The following SEPTIN12 variants were observed in gnomAD, a reference collection of about 807,000 sequenced individuals.
SEPTIN12 encodes the protein septin-12.
A neutral mutation model predicts 37.7 loss-of-function variants in SEPTIN12; 42 were observed. The ratio of observed to expected loss-of-function variants is 1.11; its 90% CI spans 0.87 to 1.44. The LOEUF is 1.44. Ranked by LOEUF, SEPTIN12 falls within the 40% of genes most tolerant of loss-of-function variation. SEPTIN12 has a pLI of 0.00. For missense variants in SEPTIN12, 613 were observed against 479.2 expected (o/e 1.28, Z -2.61); for synonymous variants, 254 against 196.7 (o/e 1.29, Z -2.44).
intron 7 of SEPTIN12, 148 bp from the exon 8 acceptor site, chr16:4,779,934 G>T: frequency 1.5e-6 from 1 of 671,910 alleles, no homozygotes; most frequent in Non-Finnish European, 2.6e-6. Context: ...CAAGTTCAAA[G>T]ACATAAAGTC....
intron 7 of SEPTIN12, among the ~76,000 whole-genome samples, chr16:4,782,750 CCCA>C (rs1424904950): frequency 2.0e-5 from 3 of 151,500 alleles, no homozygotes; most frequent in Admixed American, 6.6e-5. Flanking sequence ...CTTACAGGCA[CCCA>C]CCACCACGCC....
chr16:4,790,263 T>A (rs1204749334), upstream of SEPTIN12, among the ~76,000 whole-genome samples: 1 of 152,186 alleles, frequency 6.6e-6, no homozygotes. Flanking sequence ...AGTTCTCTGT[T>A]GCAACTACTA....
At chr16:4,780,089 A>G (rs1163329819) in intron 7 of SEPTIN12, among the ~76,000 whole-genome samples, 2 of 151,952 alleles carry the variant, frequency 1.3e-5, no homozygotes, top group Non-Finnish European at 2.9e-5. Flanking sequence ...AAAAACTAAA[A>G]AATTAGCTGA....
intron 1 of SEPTIN12, chr16:4,787,965 G>A (rs1596260896): frequency 3.6e-6 from 1 of 280,092 alleles, no homozygotes; most frequent in East Asian, 7.9e-5. Context: ...AGCAGAGCCT[G>A]GAGGGCCAGG....
chr16:4,784,253 C>G, intron 4 of SEPTIN12, 185 bp from the exon 5 acceptor site: 1 of 616,004 alleles, frequency 1.6e-6, no homozygotes, highest in Non-Finnish European at 2.9e-6. Context: ...ACAGGGAGAC[C>G]TCCTGCCATT....
At position 4,785,848 on chromosome 16, in the gene SEPTIN12, C is replaced by T. The variant is rs377212669; in HGVS notation, c.333G>A (p.Thr111=). The change falls in exon 4 of 10, where the codon ACG becomes ACA. Residue 111 remains threonine, a synonymous_variant. Transcript: ENST00000268231. ...TCTGGTCCCCGAAGCCGGGCGTGTC[C>T]GTCACCGTCAGCTTCAGCTTCACAC... The part of the protein sequence containing the change: ...EKGVKLKLTV[T]DTPGFGDQIN... The T allele has an allele frequency of 4.7e-5, 75 of 1,612,540 alleles. No individual in the cohort carries two copies. The highest frequency in any genetic ancestry group is 1.6e-4 in the Middle Eastern group (1 of 6,078).
intron 7 of SEPTIN12, among the ~76,000 whole-genome samples, chr16:4,781,645 A>AT (rs35411843): frequency 0.093 from 12,553 of 134,734 alleles, 587 homozygotes; most frequent in Non-Finnish European, 0.11. Context: ...ACAGTGCTTC[A>AT]TTTTTTTTTT....
At chr16:4,778,411 A>T (rs2082336792) in intron 8 of SEPTIN12, among the ~76,000 whole-genome samples, 2 of 152,226 alleles carry the variant, frequency 1.3e-5, no homozygotes, top group South Asian at 4.1e-4. Context: ...ATGGGTGCCC[A>T]CTGTAGGACT....
upstream of SEPTIN12, among the ~76,000 whole-genome samples, chr16:4,791,381 G>A (rs1406786716): frequency 6.6e-6 from 1 of 152,212 alleles, no homozygotes; most frequent in Admixed American, 6.5e-5. Flanking sequence ...GGCGATAATA[G>A]CACAGGGCAT....
At chr16:4,785,109 G>T (rs1468290569) in intron 4 of SEPTIN12, among the ~76,000 whole-genome samples, 1 of 152,138 alleles carries the variant, frequency 6.6e-6, no homozygotes, top group Non-Finnish European at 1.5e-5. Context: ...AAGTAGCCGA[G>T]CGTGTTGGCG....
chr16:4,787,881 G>A (rs774425815), intron 1 of SEPTIN12: 5 of 523,894 alleles, frequency 9.5e-6, no homozygotes, highest in Non-Finnish European at 1.7e-5. Context: ...CCCATCCAGA[G>A]AGGCTCCGCT....
At chr16:4,786,223 G>T (rs2082442213) in intron 2 of SEPTIN12, 118 bp from the exon 3 acceptor site, 2 of 1,314,226 alleles carry the variant, frequency 1.5e-6, no homozygotes, top group Non-Finnish European at 2.1e-6. Flanking sequence ...ACCCAGGCTG[G>T]AGTGCAATGA....
At chr16:4,780,395 C>G (rs1408583078) in intron 7 of SEPTIN12, among the ~76,000 whole-genome samples, 1 of 152,076 alleles carries the variant, frequency 6.6e-6, no homozygotes, top group African/African-American at 2.4e-5. Flanking sequence ...GCCTGCCTGT[C>G]TTCCTATATA....
At chr16:4,787,361 T>G (rs741695) in intron 2 of SEPTIN12, 119 bp downstream of exon 2, 1 of 884,624 alleles carries the variant, frequency 1.1e-6, no homozygotes, top group Non-Finnish European at 1.9e-6. Flanking sequence ...TGTGAGGTGC[T>G]ATTATCAGGC....
chr16:4,781,943 CTTT>C lies in SEPTIN12; in HGVS notation c.726+1516_726+1518del, dbSNP rs571415645. ...ACAGGTGTGAGCCACCGTGCCCGGCCTTTTTTTTTTTTTTTTTTTTTTTTTGAG... is the reference window on the plus strand; with the variant it reads ...ACAGGTGTGAGCCACCGTGCCCGGCCTTTTTTTTTTTTTTTTTTTTTTGAG... On this transcript the variant is annotated intron_variant, in intron 7 of 9. Transcript: ENST00000268231. 6.4e-3 allele frequency among the ~76,000 whole-genome samples: 305 copies of C among 47,398 alleles called. 1 individual carries two copies. The highest frequency in any genetic ancestry group is 9.1e-3 in the Non-Finnish European group (256 of 27,994). The allele number at this position is 47,398 out of a possible 152,430, so 31.1% of individuals were successfully genotyped here.
At chr16:4,791,115 T>C (rs564655402), upstream of SEPTIN12, among the ~76,000 whole-genome samples, 2 of 152,308 alleles carry the variant, frequency 1.3e-5, no homozygotes, top group East Asian at 1.9e-4. Context: ...GAGAAAACAC[T>C]TTCTCCAGGA....
At chr16:4,780,989 G>A (rs150669942) in intron 7 of SEPTIN12, among the ~76,000 whole-genome samples, 5,155 of 151,972 alleles carry the variant, frequency 0.034, 129 homozygotes, top group Non-Finnish European at 0.048. Flanking sequence ...TGCTGGGCAC[G>A]GTGGCTCACG....
Position 4,777,955 on chromosome 16 carries a change from A to G in SEPTIN12, c.919T>C (p.Tyr307His). The G allele has an allele frequency of 3.1e-6, 5 of 1,610,962 alleles. No homozygotes were observed. The highest frequency in any genetic ancestry group is 2.5e-6 in the Non-Finnish European group (3 of 1,178,752). The change falls in exon 10 of 10, where the codon TAT becomes CAT. Residue 307 changes from tyrosine to histidine, a missense_variant. Physicochemically the swap from Tyr to His is moderately conservative, Grantham distance 83. Coordinates refer to ENST00000268231, the MANE Select transcript of SEPTIN12 (RefSeq NM_144605.5). ...DLKDITHNIH[Y>H]ENYRVIRLNE... is the part of the protein sequence containing the mutation. ...AGTCTGATGACGCGGTAGTTCTCAT[A>G]GTGGATGTTGTGGGTTATGTCCTTC...
chr16:4,778,549 C>A (rs2082338563), intron 8 of SEPTIN12, among the ~76,000 whole-genome samples: 1 of 152,046 alleles, frequency 6.6e-6, no homozygotes, highest in Non-Finnish European at 1.5e-5. Context: ...GCCTATAATC[C>A]CAGCAGTTTG....
Sources: gnomAD v4.1 joint callset for allele counts (sites outside exome capture counted in the v4.1 genomes callset) on GRCh38, gnomAD v4.1.1 for gene constraint, MANE v1.5 for transcripts, NCBI Gene and HGNC (gene_info 2026-07-23, HGNC 2026-07-21) for gene names.